Variants in SIRPA observed in about 807,000 individuals in gnomAD.
SIRPA encodes the protein tyrosine-protein phosphatase non-receptor type substrate 1.
SIRPA carries 9 observed loss-of-function variants against 50.3 expected under a neutral mutation model. The observed-to-expected ratio is 0.18, with a 90% CI of 0.11 to 0.31. SIRPA has a LOEUF of 0.31. Among genes scored for constraint, SIRPA ranks in the 10% least tolerant of loss-of-function variants. The pLI is 1.00. For synonymous variants in SIRPA, 265 were observed against 284.1 expected (o/e 0.93, Z 0.68); for missense variants, 474 against 661.6 (o/e 0.72, Z 3.11).
Position 1,924,591 on chromosome 20 carries a change from G to A in SIRPA, c.1088-173G>A, listed in dbSNP as rs574513659. Among the ~76,000 whole-genome samples the A allele has an allele frequency of 6.6e-5, 10 of 152,300 alleles. No homozygotes were observed. The highest frequency in any genetic ancestry group is 2.1e-4 in the South Asian group (1 of 4,828). Reference sequence around the variant, plus strand: ...TTTGTGCTGTTCATGGATGAGTCTCGTGGGCAAGTGTGTACAGACCCATGA... The same window carrying A: ...TTTGTGCTGTTCATGGATGAGTCTCATGGGCAAGTGTGTACAGACCCATGA... On this transcript the variant is annotated intron_variant, in intron 4 of 7. Coordinates refer to ENST00000358771, the MANE Select transcript of SIRPA (RefSeq NM_001040023.2). The surrounding 1 kb of genome is among the most constrained non-coding windows in gnomAD (Gnocchi z 4.5).
chr20:1,901,422 C>T (rs1278370507), intron 1 of SIRPA, among the ~76,000 whole-genome samples: 4 of 152,082 alleles, frequency 2.6e-5, no homozygotes, highest in African/African-American at 9.7e-5. Flanking sequence ...CCTCCCGCCT[C>T]GGCCTCCCAA....
In SIRPA at chr20:1,927,288, T is replaced by C. The variant is rs1600447934; in HGVS notation, c.1202-587T>C. 6.6e-6 allele frequency among the ~76,000 whole-genome samples: 1 copy of C among 152,092 alleles called. No homozygotes were observed. The highest frequency in any genetic ancestry group is 2.1e-4 in the South Asian group (1 of 4,830). On this transcript the variant is annotated intron_variant, in intron 5 of 7. Coordinates refer to ENST00000358771, the MANE Select transcript of SIRPA (RefSeq NM_001040023.2). The surrounding 1 kb of genome is among the most constrained non-coding windows in gnomAD (Gnocchi z 6.5). ...TCTGTGGGTTACCCCATATCACAGG[T>C]TTAAAACCTCTGAACCAGATGGACA... is the stretch of plus-strand genomic sequence containing the variant.
intron 1 of SIRPA, among the ~76,000 whole-genome samples, chr20:1,906,515 A>G (rs1984559342): frequency 6.6e-6 from 1 of 152,146 alleles, no homozygotes; most frequent in African/African-American, 2.4e-5. Flanking sequence ...AGACATGTAG[A>G]TATTTAGGGA....
Position 1,934,774 on chromosome 20 carries a change from G to A in SIRPA, c.1266+20G>A. 2 of 1,613,648 alleles carry A rather than the reference G, an allele frequency of 1.2e-6. No individual in the cohort carries two copies. The highest frequency in any genetic ancestry group is 1.7e-6 in the Non-Finnish European group (2 of 1,179,710). ...ACACAGGTACAGTCCTTGGTGAGATGCCCTTCCTGGGAAACTCCGTGGCGT... is the reference window on the plus strand; with the variant it reads ...ACACAGGTACAGTCCTTGGTGAGATACCCTTCCTGGGAAACTCCGTGGCGT... On this transcript the variant is annotated intron_variant, in intron 7 of 7. Coordinates refer to ENST00000358771, the MANE Select transcript of SIRPA (RefSeq NM_001040023.2). This position sits in a 1 kb window ranked among gnomAD's most constrained non-coding sequence, Gnocchi z 4.6.
At chr20:1,899,266 C>T (rs369263306) in intron 1 of SIRPA, among the ~76,000 whole-genome samples, 2 of 151,978 alleles carry the variant, frequency 1.3e-5, no homozygotes, top group Non-Finnish European at 2.9e-5. Flanking sequence ...CCCTGCCAGG[C>T]CTGATTTCCA....
chr20:1,895,124 C>G (rs1983695942), upstream of SIRPA, among the ~76,000 whole-genome samples: 1 of 151,758 alleles, frequency 6.6e-6, no homozygotes, highest in African/African-American at 2.4e-5. Flanking sequence ...CTCGCCTCTC[C>G]GTGTCTCTGG....
At chr20:1,925,368 A>G (rs1985919215) in intron 5 of SIRPA, among the ~76,000 whole-genome samples, 1 of 152,258 alleles carries the variant, frequency 6.6e-6, no homozygotes, top group Admixed American at 6.5e-5. Flanking sequence ...AACCTGGCAC[A>G]CAAGTGCTCA....
At chr20:1,904,251 G>A (rs544066118) in intron 1 of SIRPA, among the ~76,000 whole-genome samples, 11 of 152,264 alleles carry the variant, frequency 7.2e-5, no homozygotes, top group African/African-American at 2.6e-4. Context: ...AAGAAACCCC[G>A]GAATTTGTAC....
chr20:1,932,974 C>T lies in SIRPA; in HGVS notation c.1227-1741C>T, dbSNP rs149059758. 1.3e-5 allele frequency among the ~76,000 whole-genome samples: 2 copies of T among 152,264 alleles called. No individual in the cohort carries two copies. The highest frequency in any genetic ancestry group is 2.9e-5 in the Non-Finnish European group (2 of 68,024). On this transcript the variant is annotated intron_variant, in intron 6 of 7. Transcript: ENST00000358771. The surrounding 1 kb of genome is among the most constrained non-coding windows in gnomAD (Gnocchi z 6.0). ...CTGAAATTGCTTTGAAAGAGAAGAACCCAATGTTTTGAGAATGGAGTTTGG... is the reference window on the plus strand; with the variant it reads ...CTGAAATTGCTTTGAAAGAGAAGAATCCAATGTTTTGAGAATGGAGTTTGG...
chr20:1,921,941 T>G (rs1985685744), intron 3 of SIRPA, among the ~76,000 whole-genome samples: 1 of 152,114 alleles, frequency 6.6e-6, no homozygotes, highest in Admixed American at 6.5e-5. Flanking sequence ...GTGCTAGCCG[T>G]TTCATTTATT....
intron 1 of SIRPA, among the ~76,000 whole-genome samples, chr20:1,904,862 G>A (rs542268976): frequency 3.3e-5 from 5 of 152,212 alleles, no homozygotes; most frequent in African/African-American, 1.2e-4. Flanking sequence ...TGACTCCACA[G>A]ACTCCTCTGG....
At chr20:1,915,022 C>A (rs114623029) in intron 1 of SIRPA, 77 bp from the exon 2 acceptor site, 315,034 of 1,059,636 alleles carry the variant, frequency 0.3, 58,846 homozygotes, top group East Asian at 0.64. Context: ...AGTCAATGAA[C>A]GTCATTGATA....
chr20:1,920,682 C>T (rs1415122420), intron 2 of SIRPA, among the ~76,000 whole-genome samples: 4 of 152,082 alleles, frequency 2.6e-5, no homozygotes, highest in African/African-American at 4.8e-5. Flanking sequence ...CAGATTAGAC[C>T]CTGCTGGAAT....
Position 1,919,216 on chromosome 20 carries a change from T to C in SIRPA, c.437-2179T>C, listed in dbSNP as rs371568316. Among the ~76,000 whole-genome samples, 50 of 152,360 alleles carry C rather than the reference T, an allele frequency of 3.3e-4. No homozygotes were observed. In the South Asian group the frequency reaches 8.9e-3, roughly 27 times the overall value. On this transcript the variant is annotated intron_variant, in intron 2 of 7. Coordinates refer to ENST00000358771, the MANE Select transcript of SIRPA (RefSeq NM_001040023.2). ...GCTCTTTAGGATCATCTGGGAAACA[T>C]TGAAATAAATCCCAGGCTCCACCAC...
At position 1,937,576 on chromosome 20, in the gene SIRPA, C is replaced by A. The variant is rs769062665; in HGVS notation, c.*8C>A. Reference sequence around the variant, plus strand: ...CAGGTCCCGAGGAAGTGAATGGGACCGTGGTTTGCTCTAGCACCCATCTCT... The same window carrying A: ...CAGGTCCCGAGGAAGTGAATGGGACAGTGGTTTGCTCTAGCACCCATCTCT... On this transcript the variant is annotated 3_prime_UTR_variant, in exon 8 of 8. Coordinates refer to ENST00000358771, the MANE Select transcript of SIRPA (RefSeq NM_001040023.2). The surrounding 1 kb of genome is among the most constrained non-coding windows in gnomAD (Gnocchi z 8.3). 3.1e-5 allele frequency: 50 copies of A among 1,613,802 alleles called. No individual in the cohort carries two copies. The East Asian group carries it at 1.1e-3, about 35-fold the overall frequency.
chr20:1,899,842 T>C (rs1984064428), intron 1 of SIRPA, among the ~76,000 whole-genome samples: 1 of 152,234 alleles, frequency 6.6e-6, no homozygotes, highest in African/African-American at 2.4e-5. Context: ...ACCACTCTAT[T>C]GCAAGGATTA....
intron 1 of SIRPA, among the ~76,000 whole-genome samples, chr20:1,905,611 C>A (rs1984500594): frequency 6.6e-6 from 1 of 152,226 alleles, no homozygotes; most frequent in South Asian, 2.1e-4. Context: ...GGCCTTACTC[C>A]AGGCCTCAGT....
At chr20:1,901,210 G>A (rs546618646) in intron 1 of SIRPA, among the ~76,000 whole-genome samples, 75 of 116,442 alleles carry the variant, frequency 6.4e-4, no homozygotes, top group Non-Finnish European at 9.9e-4. Context: ...TTGCTCTGTC[G>A]CCCAGGCTGG....
At chr20:1,929,133 G>C (rs1267295508) in intron 6 of SIRPA, among the ~76,000 whole-genome samples, 1 of 152,154 alleles carries the variant, frequency 6.6e-6, no homozygotes, top group East Asian at 1.9e-4. Flanking sequence ...AGTGGGGCCT[G>C]TGGGTGTTAG....
Sources: gnomAD v4.1 joint callset for allele counts (sites outside exome capture counted in the v4.1 genomes callset) on GRCh38, gnomAD v4.1.1 for gene constraint, Gnocchi (gnomAD v3.1) non-coding constraint, MANE v1.5 for transcripts, NCBI Gene and HGNC (gene_info 2026-07-23, HGNC 2026-07-21) for gene names.